The following IGF1R variants were observed in gnomAD, a reference collection of about 807,000 sequenced individuals.
IGF1R encodes insulin like growth factor 1 receptor.
Under a neutral mutation model 144.6 loss-of-function variants are expected in IGF1R, and 44 were observed. The observed-to-expected ratio is 0.30, with a 90% confidence interval of 0.24 to 0.39. The LOEUF is 0.39. Ranked by LOEUF, IGF1R falls within the 10% of genes least tolerant of loss-of-function variation. IGF1R has a pLI of 1.00. For synonymous variants in IGF1R, 795 were observed against 722.8 expected (o/e 1.10, Z -1.60); for missense variants, 1,355 against 1,833.7 (o/e 0.74, Z 4.77).
intron 2 of IGF1R, among the ~76,000 whole-genome samples, chr15:98,766,672 C>G (rs2055444553): frequency 6.6e-6 from 1 of 152,108 alleles, no homozygotes; most frequent in African/African-American, 2.4e-5. Context: ...TTTGTAAAAA[C>G]TTGATAATGT....
Position 98,935,497 on chromosome 15 carries a change from A to C in IGF1R, c.3297+71A>C, listed in dbSNP as rs1377623324. 3.4e-6 allele frequency: 3 copies of C among 878,848 alleles called. No homozygotes were observed. In the East Asian group the frequency reaches 7.9e-5, roughly 23 times the overall value. The allele number at this position is 878,848 out of a possible 1,614,324, so 54.4% of individuals were successfully genotyped here. ...TCTTTTCCTTTATAATCTCCCTGCAAGGAAATGCTGTGTCTTTAAATCAGT... is the reference window on the plus strand; with the variant it reads ...TCTTTTCCTTTATAATCTCCCTGCACGGAAATGCTGTGTCTTTAAATCAGT... On this transcript the variant is annotated intron_variant, in intron 17 of 20. Transcript: ENST00000650285. This position sits in a 1 kb window ranked among gnomAD's most constrained non-coding sequence, Gnocchi z 4.2.
intron 15 of IGF1R, among the ~76,000 whole-genome samples, chr15:98,932,100 A>T (rs938997663): frequency 6.6e-5 from 10 of 152,172 alleles, no homozygotes; most frequent in Non-Finnish European, 1.3e-4. Context: ...CAATACAACA[A>T]ATTCAGATTC....
chr15:98,875,618 T>C (rs369587345), intron 2 of IGF1R, among the ~76,000 whole-genome samples: 1 of 152,196 alleles, frequency 6.6e-6, no homozygotes, highest in Admixed American at 6.5e-5. Context: ...TGCTTTCCAC[T>C]GTAGAGCTGC....
intron 20 of IGF1R, among the ~76,000 whole-genome samples, chr15:98,956,266 C>G (rs533720300): frequency 1.3e-5 from 2 of 152,364 alleles, no homozygotes; most frequent in Non-Finnish European, 2.9e-5. Context: ...GCCGATGCGA[C>G]CGACACACAG....
chr15:98,900,812 G>C (rs574022102), intron 5 of IGF1R: 5 of 151,004 alleles, frequency 3.3e-5, no homozygotes. Flanking sequence ...ATTTTTCTCC[G>C]CTTTTTTTTT....
In IGF1R at chr15:98,708,076, C is replaced by T. The variant is rs756551779; in HGVS notation, c.609C>T (p.Tyr203=). The change falls in exon 2 of 21, where the codon TAC becomes TAT. Residue 203 remains tyrosine, a synonymous_variant. Coordinates refer to ENST00000650285, the MANE Select transcript of IGF1R (RefSeq NM_000875.5). ...EKTTINNEYN[Y]RCWTTNRCQK... Reference sequence around the variant, plus strand: ...CCACCATCAACAATGAGTACAACTACCGCTGCTGGACCACAAACCGCTGCC... The same window carrying T: ...CCACCATCAACAATGAGTACAACTATCGCTGCTGGACCACAAACCGCTGCC... 1.1e-5 allele frequency: 17 copies of T among 1,613,744 alleles called. No individual in the cohort carries two copies. The highest frequency in any genetic ancestry group is 1.4e-5 in the Non-Finnish European group (16 of 1,179,984).
intron 2 of IGF1R, among the ~76,000 whole-genome samples, chr15:98,779,566 G>A (rs1039687440): frequency 3.3e-5 from 5 of 152,198 alleles, no homozygotes; most frequent in Non-Finnish European, 7.3e-5. Context: ...GACTACTTCA[G>A]TTTCAGATAA....
chr15:98,684,907 G>A (rs937842510), intron 1 of IGF1R, among the ~76,000 whole-genome samples: 3 of 139,582 alleles, frequency 2.1e-5, no homozygotes, highest in Middle Eastern at 3.5e-3. Flanking sequence ...CTCCCTCCAT[G>A]TATATATTTC....
intron 1 of IGF1R, among the ~76,000 whole-genome samples, chr15:98,700,839 C>A (rs2053713151): frequency 1.3e-5 from 2 of 152,086 alleles, no homozygotes; most frequent in Admixed American, 6.5e-5. Context: ...GCTGAGAAGT[C>A]TTCCTGACCT....
At position 98,958,145 on chromosome 15, in the gene IGF1R, C is replaced by T. The variant is rs373494765; in HGVS notation, c.*703C>T. 2.4e-4 allele frequency: 55 copies of T among 233,502 alleles called. No homozygotes were observed. The highest frequency in any genetic ancestry group is 1.1e-3 in the African/African-American group (48 of 45,430). The allele number at this position is 233,502 out of a possible 1,614,324, so 14.5% of individuals were successfully genotyped here. The stretch of plus-strand genomic sequence containing the variant: ...TGAGAGACACGCTGGCGACACACTC[C>T]GTCCATCCGACTGCCCCTGCTGTGC... On this transcript the variant is annotated 3_prime_UTR_variant, in exon 21 of 21. Coordinates refer to ENST00000650285, the MANE Select transcript of IGF1R (RefSeq NM_000875.5).
intron 2 of IGF1R, among the ~76,000 whole-genome samples, chr15:98,726,382 G>A (rs1456550189): frequency 1.3e-5 from 2 of 152,264 alleles, no homozygotes; most frequent in Non-Finnish European, 2.9e-5. Flanking sequence ...AAGAAGGCTA[G>A]GCACCATGTT....
Position 98,715,447 on chromosome 15 carries a change from C to T in IGF1R, c.640+7340C>T, listed in dbSNP as rs1014368375. On this transcript the variant is annotated intron_variant, in intron 2 of 20. Coordinates refer to ENST00000650285, the MANE Select transcript of IGF1R (RefSeq NM_000875.5). ...AAGTATTTGGAAAATATCTGGAGCC[C>T]CTTCAGCTCTCACCAGTTAAACCTA... Among the ~76,000 whole-genome samples the T allele has an allele frequency of 4.6e-5, 7 of 152,274 alleles. No homozygotes were observed. The South Asian group carries it at 8.3e-4, about 18-fold the overall frequency.
intron 17 of IGF1R, among the ~76,000 whole-genome samples, chr15:98,936,845 C>G (rs1186254405): frequency 1.3e-5 from 2 of 152,088 alleles, no homozygotes; most frequent in Non-Finnish European, 2.9e-5. Context: ...GTGCCTCTTC[C>G]TGGTTCACTC....
intron 2 of IGF1R, among the ~76,000 whole-genome samples, chr15:98,814,473 A>G (rs144757944): frequency 2.6e-5 from 4 of 152,246 alleles, no homozygotes; most frequent in Admixed American, 2.6e-4. Context: ...CCTCCTGAGT[A>G]GCTGGGACTA....
Position 98,934,998 on chromosome 15 carries a change from G to A in IGF1R, c.3131G>A (p.Arg1044Lys), listed in dbSNP as rs2016088818. 1 of 1,614,020 alleles carries A rather than the reference G, an allele frequency of 6.2e-7. No homozygotes were observed. The highest frequency in any genetic ancestry group is 1.3e-5 in the African/African-American group (1 of 74,898). ...TVNEAASMRE[R>K]IEFLNEASVM... ...AACGAGGCCGCAAGCATGCGTGAGAGGATTGAGTTTCTCAACGAAGCTTCT... is the reference window on the plus strand; with the variant it reads ...AACGAGGCCGCAAGCATGCGTGAGAAGATTGAGTTTCTCAACGAAGCTTCT... The change falls in exon 16 of 21, where the codon AGG becomes AAG. Residue 1044 changes from arginine (R) to lysine (K), a missense_variant. This residue lies in a region of IGF1R where 880 missense variants were observed against 1,202.7 expected (regional missense o/e 0.73). Coordinates refer to ENST00000650285, the MANE Select transcript of IGF1R (RefSeq NM_000875.5).
intron 12 of IGF1R, 143 bp downstream of exon 12, chr15:98,924,155 T>C: frequency 1.2e-6 from 1 of 848,110 alleles, no homozygotes; most frequent in East Asian, 2.4e-5. Flanking sequence ...TTTGGGTCTT[T>C]CTACCCACTC....
intron 2 of IGF1R, among the ~76,000 whole-genome samples, chr15:98,712,172 A>G (rs2054008157): frequency 6.6e-6 from 1 of 152,046 alleles, no homozygotes; most frequent in Non-Finnish European, 1.5e-5. Flanking sequence ...ATCCACTGGT[A>G]ACTGCATTGC....
intron 10 of IGF1R, among the ~76,000 whole-genome samples, chr15:98,921,835 T>C (rs1448680143): frequency 6.6e-6 from 1 of 152,148 alleles, no homozygotes; most frequent in Admixed American, 6.5e-5. Context: ...GGCCTGAGTG[T>C]TCTGATGACA....
chr15:98,908,828 A>T lies in IGF1R; in HGVS notation c.1391A>T (p.Glu464Val). 2 of 1,614,180 alleles carry T rather than the reference A, an allele frequency of 1.2e-6. No individual in the cohort carries two copies. Among genetic ancestry groups the T allele is most frequent in the African/African-American group, 1.3e-5 (1 of 75,050 alleles). ...GTTTCCGAAATTTACCGCATGGAGG[A>T]AGTGACGGGGACTAAAGGGCGCCAA... ...LCVSEIYRME[E>V]VTGTKGRQSK... Residue 464 changes from glutamate to valine, a missense_variant, in exon 6 of 21, where the codon GAA (glutamate) becomes GTA (valine). By Grantham distance (121) the Glu-to-Val change is moderately radical. Coordinates refer to ENST00000650285, the MANE Select transcript of IGF1R (RefSeq NM_000875.5).
Sources: allele counts gnomAD v4.1 joint callset (sites outside exome capture counted in the v4.1 genomes callset), GRCh38; gene constraint gnomAD v4.1.1; regional missense constraint gnomAD v4.1.1; non-coding constraint Gnocchi (gnomAD v3.1); transcripts MANE v1.5; gene names NCBI Gene and HGNC (gene_info 2026-07-23, HGNC 2026-07-21).